The following SLC1A2 variants were observed in gnomAD, a reference collection of about 807,000 sequenced individuals.
SLC1A2 encodes the protein solute carrier family 1 member 2.
SLC1A2 carries 15 observed loss-of-function variants against 48.8 expected under a neutral mutation model. The ratio of observed to expected loss-of-function variants is 0.31; its 90% CI spans 0.21 to 0.47. The LOEUF is 0.47. SLC1A2 is among the 20% of genes least tolerant of loss of function. SLC1A2 has a pLI of 0.99. For synonymous variants in SLC1A2, 279 were observed against 272.6 expected (o/e 1.02, Z -0.23); for missense variants, 502 against 730.5 (o/e 0.69, Z 3.61).
At chr11:35,287,095 G>A in intron 7 of SLC1A2, 144 bp from the exon 8 acceptor site, 2 of 673,658 alleles carry the variant, frequency 3.0e-6, no homozygotes, top group Non-Finnish European at 5.1e-6. Flanking sequence ...GCAGTATCTG[G>A]AGCCAGATTA....
chr11:35,346,356 C>A (rs1853034133), intron 1 of SLC1A2, among the ~76,000 whole-genome samples: 1 of 152,176 alleles, frequency 6.6e-6, no homozygotes, highest in East Asian at 1.9e-4. Context: ...CCTGCCAGCT[C>A]TGCAACCCTT....
At chr11:35,272,731 C>T (rs1318545400) in intron 9 of SLC1A2, among the ~76,000 whole-genome samples, 1 of 152,166 alleles carries the variant, frequency 6.6e-6, no homozygotes, top group African/African-American at 2.4e-5. Context: ...TGTGTGACAC[C>T]ATCTTTGGGT....
rs1243081371 is a variant in SLC1A2, at chr11:35,255,033, T to A, written c.*5861A>T. On this transcript the variant is annotated 3_prime_UTR_variant, in exon 11 of 11. Transcript: ENST00000278379. ...TTATCTTGCTGCCCTTGCATCAGGTTTTTTGCACTAATGGAAAAAAGCCGG... is the reference window on the plus strand; with the variant it reads ...TTATCTTGCTGCCCTTGCATCAGGTATTTTGCACTAATGGAAAAAAGCCGG... 3.4e-6 allele frequency: 1 copy of A among 298,158 alleles called. No individual in the cohort carries two copies. The highest frequency in any genetic ancestry group is 6.6e-6 in the Non-Finnish European group (1 of 152,626). 18.5% of individuals were successfully genotyped at this position (298,158 alleles called of 1,614,324 possible).
intron 1 of SLC1A2, among the ~76,000 whole-genome samples, chr11:35,407,591 C>T (rs1232136316): frequency 6.6e-6 from 1 of 152,254 alleles, no homozygotes; most frequent in Non-Finnish European, 1.5e-5. Context: ...CCATTCTCAA[C>T]CCACACCAAC....
chr11:35,270,520 G>C (rs1329794889), intron 9 of SLC1A2, among the ~76,000 whole-genome samples: 1 of 152,144 alleles, frequency 6.6e-6, no homozygotes, highest in Non-Finnish European at 1.5e-5. Flanking sequence ...AGTGTGTAAG[G>C]GCACTATGCC....
chr11:35,273,092 T>C (rs1182905391), intron 9 of SLC1A2, among the ~76,000 whole-genome samples: 1 of 152,184 alleles, frequency 6.6e-6, no homozygotes, highest in Non-Finnish European at 1.5e-5. Context: ...GAAATTGCCA[T>C]TTATTTCCAT....
In SLC1A2 at chr11:35,323,867, C is replaced by G. The variant is rs372831687; in HGVS notation, c.18-6351G>C. Among the ~76,000 whole-genome samples, 10 of 152,346 alleles carry G rather than the reference C, an allele frequency of 6.6e-5. No individual in the cohort carries two copies. In the East Asian group the frequency reaches 9.6e-4, roughly 15 times the overall value. ...GATGAAATTCAGTACACAATTCAGACGTGAGCATCTTCTAATTCCTCATCC... is the reference window on the plus strand; with the variant it reads ...GATGAAATTCAGTACACAATTCAGAGGTGAGCATCTTCTAATTCCTCATCC... On this transcript the variant is annotated intron_variant, in intron 1 of 10. Coordinates refer to ENST00000278379, the MANE Select transcript of SLC1A2 (RefSeq NM_004171.4).
chr11:35,325,964 CAAAAAAAAAA>C (rs35256511), intron 1 of SLC1A2, among the ~76,000 whole-genome samples: 1 of 96,292 alleles, frequency 1.0e-5, no homozygotes, highest in Non-Finnish European at 2.1e-5. Flanking sequence ...AATTCTATCT[CAAAAAAAAAA>C]AAAAAAAAAA....
rs557278591 is a variant in SLC1A2, at chr11:35,353,120, G to A, written c.18-35604C>T. On this transcript the variant is annotated intron_variant, in intron 1 of 10. Transcript: ENST00000278379. Reference sequence around the variant, plus strand: ...TATCAACATTTATCTACTATAGTATGTCTCTTTTTACTTGAAAAACTATTA... The same window carrying A: ...TATCAACATTTATCTACTATAGTATATCTCTTTTTACTTGAAAAACTATTA... 3.3e-5 allele frequency among the ~76,000 whole-genome samples: 5 copies of A among 152,108 alleles called. No individual in the cohort carries two copies. The South Asian group carries it at 1.0e-3, about 32-fold the overall frequency.
rs1438935976 is a variant in SLC1A2 at position 35,315,132 on chromosome 11, T to G, written c.201A>C (p.Ala67=). 1 of 1,613,192 alleles carries G rather than the reference T, an allele frequency of 6.2e-7. No individual in the cohort carries two copies. The highest frequency in any genetic ancestry group is 1.3e-5 in the African/African-American group (1 of 74,888). The change falls in exon 3 of 11, where the codon GCA becomes GCC. Residue 67 remains alanine, a synonymous_variant. Coordinates refer to ENST00000278379, the MANE Select transcript of SLC1A2 (RefSeq NM_004171.4). ...GAVCGGLLRL[A]SPIHPDVVML... ...TAACCACATCAGGGTGGATGGGAGA[T>G]GCCAAGCGAAGAAGCCCTCCACACA...
chr11:35,297,041 A>G (rs1851197447), intron 6 of SLC1A2, among the ~76,000 whole-genome samples: 1 of 152,196 alleles, frequency 6.6e-6, no homozygotes, highest in African/African-American at 2.4e-5. Context: ...AATGAAAAAA[A>G]AAATGGATGG....
intron 4 of SLC1A2, 166 bp downstream of exon 4, chr11:35,312,032 C>T: frequency 3.2e-6 from 2 of 619,038 alleles, no homozygotes; most frequent in Non-Finnish European, 5.5e-6. Context: ...AGACTCCAAT[C>T]CCAAGATCCT....
intron 3 of SLC1A2, 112 bp from the exon 4 acceptor site, chr11:35,312,560 T>C (rs1288217238): frequency 1.6e-6 from 2 of 1,217,118 alleles, no homozygotes; most frequent in Non-Finnish European, 2.3e-6. Flanking sequence ...TAATGGTTGA[T>C]TAAATCTCCT....
At chr11:35,336,329 AT>A (rs1256924555) in intron 1 of SLC1A2, among the ~76,000 whole-genome samples, 3 of 152,202 alleles carry the variant, frequency 2.0e-5, no homozygotes, top group Non-Finnish European at 4.4e-5. Flanking sequence ...TAAAATTAAA[AT>A]TAAAATTAAA....
At chr11:35,377,920 C>T (rs919846211) in intron 1 of SLC1A2, among the ~76,000 whole-genome samples, 2 of 152,152 alleles carry the variant, frequency 1.3e-5, no homozygotes, top group African/African-American at 4.8e-5. Context: ...CTTTAAGAAA[C>T]ACAGATTCAC....
chr11:35,354,630 C>G (rs1270842200), intron 1 of SLC1A2, among the ~76,000 whole-genome samples: 1 of 152,048 alleles, frequency 6.6e-6, no homozygotes, highest in African/African-American at 2.4e-5. Context: ...AATCACCCCC[C>G]AAAACAAAGA....
chr11:35,402,000 A>G (rs1855153693), intron 1 of SLC1A2, among the ~76,000 whole-genome samples: 1 of 147,364 alleles, frequency 6.8e-6, no homozygotes, highest in Non-Finnish European at 1.5e-5. Flanking sequence ...TTATATTTTT[A>G]GAAAGTTTGT....
At chr11:35,279,938 T>G (rs906436940) in intron 9 of SLC1A2, among the ~76,000 whole-genome samples, 3 of 152,214 alleles carry the variant, frequency 2.0e-5, no homozygotes, top group Non-Finnish European at 2.9e-5. Context: ...ATCACTATGC[T>G]TTTATGTGTG....
intron 1 of SLC1A2, among the ~76,000 whole-genome samples, chr11:35,356,031 C>T (rs1484532425): frequency 3.9e-5 from 6 of 152,012 alleles, no homozygotes; most frequent in African/African-American, 1.5e-4. Flanking sequence ...TAGTTACAAA[C>T]AAAATAATTA....
Sources: gnomAD v4.1 joint callset for allele counts (sites outside exome capture counted in the v4.1 genomes callset) on GRCh38, gnomAD v4.1.1 for gene constraint, MANE v1.5 for transcripts, NCBI Gene and HGNC (gene_info 2026-07-23, HGNC 2026-07-21) for gene names.